GTF2F2: variants seen among roughly 807,000 people sequenced by gnomAD.
GTF2F2 encodes the protein general transcription factor IIF subunit 2.
In GTF2F2, 23 loss-of-function variants were observed where a neutral mutation model predicts 42.2. That is an observed-to-expected ratio of 0.55 (90% CI 0.39 to 0.77). The LOEUF is 0.77. Among genes scored for constraint, GTF2F2 ranks in the 30% least tolerant of loss-of-function variants. The probability of loss-of-function intolerance (pLI) is 0.00; values close to 1 mark genes in which losing one functional copy is unlikely to be tolerated. For missense variants in GTF2F2, 261 were observed against 287.2 expected (o/e 0.91, Z 0.66); for synonymous variants, 105 against 100.8 (o/e 1.04, Z -0.25).
At chr13:45,206,108 A>G (rs1398609058) in intron 4 of GTF2F2, among the ~76,000 whole-genome samples, 1 of 152,158 alleles carries the variant, frequency 6.6e-6, no homozygotes. Context: ...TCTTCCTGCC[A>G]TATTTTGGTA....
chr13:45,239,135 T>C (rs891593040), intron 5 of GTF2F2, among the ~76,000 whole-genome samples: 8 of 152,120 alleles, frequency 5.3e-5, no homozygotes, highest in African/African-American at 1.9e-4. Context: ...CTCCCCAGTT[T>C]GGGCATCTGT....
chr13:45,130,986 C>T (rs1187745427), intron 1 of GTF2F2, among the ~76,000 whole-genome samples: 1 of 152,116 alleles, frequency 6.6e-6, no homozygotes, highest in Non-Finnish European at 1.5e-5. Flanking sequence ...GGCACGGTGG[C>T]CTATGCCTGT....
chr13:45,206,203 A>G (rs908468815), intron 4 of GTF2F2, among the ~76,000 whole-genome samples: 1 of 152,150 alleles, frequency 6.6e-6, no homozygotes, highest in African/African-American at 2.4e-5. Flanking sequence ...CCCTGGATAC[A>G]TTGATTATAT....
chr13:45,197,433 C>T (rs191406354), intron 4 of GTF2F2, among the ~76,000 whole-genome samples: 272 of 147,194 alleles, frequency 1.8e-3, no homozygotes, highest in African/African-American at 6.4e-3. Context: ...CGCCTGAGCC[C>T]GGGAGGTGGA....
Position 45,283,455 on chromosome 13 carries a change from A to G in GTF2F2, c.644A>G (p.Glu215Gly), listed in dbSNP as rs1197377221. ...TTTTTGTTTTAGGTGTACCTGAAGGAAATCTTAAAAGAAATTGGTGTTCAG... is the reference window on the plus strand; with the variant it reads ...TTTTTGTTTTAGGTGTACCTGAAGGGAATCTTAAAAGAAATTGGTGTTCAG... ...ITKQPVVYLK[E>G]ILKEIGVQNV... Residue 215 changes from glutamate (E) to glycine (G), a missense_variant, in exon 8 of 8, where the codon GAA (glutamate) becomes GGA (glycine). Coordinates refer to ENST00000340473, the MANE Select transcript of GTF2F2 (RefSeq NM_004128.3). 1.2e-6 allele frequency: 2 copies of G among 1,610,984 alleles called. No homozygotes were observed. Among genetic ancestry groups the G allele is most frequent in the East Asian group, 2.2e-5 (1 of 44,822 alleles).
chr13:45,139,521 A>C (rs1483161209), intron 2 of GTF2F2, among the ~76,000 whole-genome samples: 1 of 151,992 alleles, frequency 6.6e-6, no homozygotes, highest in African/African-American at 2.4e-5. Flanking sequence ...CCTTACTCCC[A>C]CATTTCTTTT....
chr13:45,189,470 A>G (rs1472503090), intron 4 of GTF2F2, among the ~76,000 whole-genome samples: 1 of 152,240 alleles, frequency 6.6e-6, no homozygotes, highest in African/African-American at 2.4e-5. Context: ...TCCTTGAGGA[A>G]TCACCACACT....
chr13:45,163,620 T>G (rs991686041), intron 4 of GTF2F2, among the ~76,000 whole-genome samples: 2 of 152,200 alleles, frequency 1.3e-5, no homozygotes, highest in African/African-American at 4.8e-5. Flanking sequence ...ATACTTTAAT[T>G]TTAAAAATTT....
chr13:45,133,477 A>G lies in GTF2F2; in HGVS notation c.67-3256A>G, dbSNP rs145506073. Among the ~76,000 whole-genome samples the G allele has an allele frequency of 6.2e-4, 94 of 152,294 alleles. 1 individual carries two copies. The East Asian group carries it at 0.018, about 28-fold the overall frequency. On this transcript the variant is annotated intron_variant, in intron 1 of 7. Coordinates refer to ENST00000340473, the MANE Select transcript of GTF2F2 (RefSeq NM_004128.3). The stretch of plus-strand genomic sequence containing the variant: ...TGGAGACTCTCCCAGCACTCCCTCA[A>G]CATAGGGAGAAGAAAAACAAATTTT...
intron 2 of GTF2F2, among the ~76,000 whole-genome samples, chr13:45,144,056 A>G (rs1870063763): frequency 6.6e-6 from 1 of 152,092 alleles, no homozygotes; most frequent in Non-Finnish European, 1.5e-5. Context: ...GTTCGAGACC[A>G]GCCTGGCCAA....
chr13:45,186,370 C>T (rs1872427292), intron 4 of GTF2F2, among the ~76,000 whole-genome samples: 1 of 151,172 alleles, frequency 6.6e-6, no homozygotes, highest in African/African-American at 2.4e-5. Context: ...CTGCTCACTT[C>T]AACCTCCACC....
chr13:45,227,523 A>G (rs1874419201), intron 5 of GTF2F2, among the ~76,000 whole-genome samples: 1 of 152,230 alleles, frequency 6.6e-6, no homozygotes, highest in Non-Finnish European at 1.5e-5. Flanking sequence ...TATGTCACTT[A>G]TATCTCAAAA....
At chr13:45,263,227 C>G (rs1022995192) in intron 6 of GTF2F2, among the ~76,000 whole-genome samples, 1 of 151,584 alleles carries the variant, frequency 6.6e-6, no homozygotes, top group South Asian at 2.1e-4. Context: ...GGTTTTCAGA[C>G]TAAATTTTTT....
intron 4 of GTF2F2, among the ~76,000 whole-genome samples, chr13:45,201,962 C>G (rs961903897): frequency 6.6e-6 from 1 of 152,022 alleles, no homozygotes; most frequent in Non-Finnish European, 1.5e-5. Context: ...ATTTCAAGCA[C>G]AAGAGCGAGC....
chr13:45,194,755 C>T (rs1872808997), intron 4 of GTF2F2: 2 of 594,548 alleles, frequency 3.4e-6, no homozygotes, highest in Non-Finnish European at 6.1e-6. Context: ...CAGGAGCTTT[C>T]TGGAGTAAGA....
chr13:45,131,122 C>G (rs541630973), intron 1 of GTF2F2, among the ~76,000 whole-genome samples: 3 of 151,690 alleles, frequency 2.0e-5, no homozygotes, highest in African/African-American at 4.8e-5. Flanking sequence ...GCAGGAGAAT[C>G]GCTTGAACCC....
intron 1 of GTF2F2, among the ~76,000 whole-genome samples, chr13:45,126,866 G>A (rs1406563634): frequency 1.3e-5 from 2 of 152,198 alleles, no homozygotes; most frequent in African/African-American, 4.8e-5. Context: ...TAATGCTGTA[G>A]TGAGTTATTT....
At chr13:45,275,855 C>G (rs531530819) in intron 7 of GTF2F2, among the ~76,000 whole-genome samples, 5 of 152,242 alleles carry the variant, frequency 3.3e-5, no homozygotes, top group Non-Finnish European at 7.4e-5. Context: ...ATTTCTAGTT[C>G]TAGATCCTTG....
intron 2 of GTF2F2, among the ~76,000 whole-genome samples, chr13:45,144,918 G>A (rs1343906809): frequency 6.6e-6 from 1 of 152,124 alleles, no homozygotes; most frequent in East Asian, 1.9e-4. Flanking sequence ...ACATATATGT[G>A]TGTGTATATA....
Sources: allele counts gnomAD v4.1 joint callset (sites outside exome capture counted in the v4.1 genomes callset), GRCh38; gene constraint gnomAD v4.1.1; transcripts MANE v1.5; gene names NCBI Gene and HGNC (gene_info 2026-07-23, HGNC 2026-07-21).